Variants in TRPC6 observed in about 807,000 individuals in gnomAD.
The protein encoded by TRPC6 is short transient receptor potential channel 6.
TRPC6 carries 55 observed loss-of-function variants against 90.7 expected under a neutral mutation model. The ratio of observed to expected loss-of-function variants is 0.61; its 90% CI spans 0.49 to 0.76. The LOEUF is 0.76. TRPC6 is among the 30% of genes least tolerant of loss of function. TRPC6 has a pLI of 0.00. For missense variants in TRPC6, 989 were observed against 1,122.7 expected (o/e 0.88, Z 1.70); for synonymous variants, 393 against 393.0 (o/e 1.00, Z 0.00).
At chr11:101,463,680 C>T (rs1034348916) in intron 10 of TRPC6, among the ~76,000 whole-genome samples, 1 of 152,092 alleles carries the variant, frequency 6.6e-6, no homozygotes, top group Non-Finnish European at 1.5e-5. Flanking sequence ...TTTATTGCAT[C>T]TATTTGATTC....
At chr11:101,507,544 A>T (rs898326346) in intron 1 of TRPC6, among the ~76,000 whole-genome samples, 17 of 152,060 alleles carry the variant, frequency 1.1e-4, no homozygotes, top group African/African-American at 4.1e-4. Context: ...CTGTCTAATA[A>T]AGCATGCATA....
intron 2 of TRPC6, among the ~76,000 whole-genome samples, chr11:101,492,081 C>T (rs1183157034): frequency 2.0e-5 from 3 of 151,914 alleles, no homozygotes; most frequent in South Asian, 2.1e-4. Context: ...CCTCATGATC[C>T]GCCCGCCTCG....
In TRPC6 at chr11:101,507,006, AACACACACACAC is replaced by A. The variant is rs10590147; in HGVS notation, c.171-2220_171-2209del. Among the ~76,000 whole-genome samples, 53 of 131,166 alleles carry A rather than the reference AACACACACACAC, an allele frequency of 4.0e-4. No individual in the cohort carries two copies. The Middle Eastern group carries it at 0.012, about 29-fold the overall frequency. 86.0% of individuals were successfully genotyped at this position (131,166 alleles called of 152,430 possible). A position where few individuals can be genotyped will look rare whatever the true frequency, so the allele number is the denominator to read the frequency against. The stretch of plus-strand genomic sequence containing the variant: ...CCTTCACGTATCTCTCTCTCTCTCT[AACACACACACAC>A]ACACACACACACACACACACACACA... On this transcript the variant is annotated intron_variant, in intron 1 of 12. Transcript: ENST00000344327.
intron 2 of TRPC6, among the ~76,000 whole-genome samples, chr11:101,496,313 T>C (rs768325562): frequency 2.6e-5 from 4 of 152,148 alleles, no homozygotes; most frequent in Non-Finnish European, 4.4e-5. Flanking sequence ...CAGTGTTGCA[T>C]TGGCCAACCA....
At position 101,506,222 on chromosome 11, in the gene TRPC6, AG is replaced by A. The variant is rs1399857347; in HGVS notation, c.171-1425del. On this transcript the variant is annotated intron_variant, in intron 1 of 12. Transcript: ENST00000344327. ...GTTTTTGCAGAACTGGAACAGGGCC[AG>A]GTTATAGGGGAGGCTAAAGAGGCAT... 2.0e-5 allele frequency among the ~76,000 whole-genome samples: 3 copies of A among 147,716 alleles called. No homozygotes were observed. In the East Asian group the frequency reaches 5.8e-4, roughly 29 times the overall value.
intron 7 of TRPC6, 120 bp from the exon 8 acceptor site, chr11:101,472,452 C>T (rs942815197): frequency 6.4e-6 from 6 of 944,112 alleles, no homozygotes; most frequent in Admixed American, 5.5e-5. Context: ...AAAAATTCTT[C>T]ACTTCTCTGA....
intron 1 of TRPC6, among the ~76,000 whole-genome samples, chr11:101,539,973 A>C (rs1180649725): frequency 6.6e-6 from 1 of 152,206 alleles, no homozygotes; most frequent in Admixed American, 6.5e-5. Flanking sequence ...ATTTGTTTTT[A>C]TTATGTAATT....
intron 12 of TRPC6, 70 bp from the exon 13 acceptor site, chr11:101,453,176 A>G (rs545440381): frequency 1.4e-6 from 2 of 1,441,134 alleles, no homozygotes; most frequent in Admixed American, 3.4e-5. Flanking sequence ...ACTGTGGGAC[A>G]GGAGGAAATC....
chr11:101,482,576 C>G (rs947803705), intron 5 of TRPC6, among the ~76,000 whole-genome samples: 12 of 152,178 alleles, frequency 7.9e-5, no homozygotes, highest in African/African-American at 2.4e-4. Context: ...ATGCAAGTGG[C>G]TGTTAGCTTC....
At chr11:101,567,794 A>G (rs1467501806) in intron 1 of TRPC6, among the ~76,000 whole-genome samples, 2 of 152,214 alleles carry the variant, frequency 1.3e-5, no homozygotes, top group Non-Finnish European at 2.9e-5. Flanking sequence ...TTAGAAGTAA[A>G]ACTAACAAAC....
In TRPC6 at chr11:101,452,262, G is replaced by A. The variant is rs1227051249; in HGVS notation, c.*693C>T. 1 of 151,736 alleles carries A rather than the reference G, an allele frequency of 6.6e-6. No homozygotes were observed. Among genetic ancestry groups the A allele is most frequent in the African/African-American group, 2.4e-5 (1 of 41,094 alleles). The allele number at this position is 151,736 out of a possible 1,614,324, so 9.4% of individuals were successfully genotyped here. On this transcript the variant is annotated 3_prime_UTR_variant, in exon 13 of 13. Coordinates refer to ENST00000344327, the MANE Select transcript of TRPC6 (RefSeq NM_004621.6). ...CCACAAACTAGGGCAAGTACTTTATGTCTGTGTGTACACATTTACACACAC... is the reference window on the plus strand; with the variant it reads ...CCACAAACTAGGGCAAGTACTTTATATCTGTGTGTACACATTTACACACAC...
intron 10 of TRPC6, among the ~76,000 whole-genome samples, chr11:101,469,025 C>T (rs550765300): frequency 1.3e-5 from 2 of 152,296 alleles, no homozygotes; most frequent in East Asian, 3.9e-4. Context: ...TAAGGTCCCA[C>T]AGTGCCTTTT....
chr11:101,539,287 G>A (rs911904908), intron 1 of TRPC6, among the ~76,000 whole-genome samples: 1 of 152,198 alleles, frequency 6.6e-6, no homozygotes, highest in East Asian at 1.9e-4. Context: ...CTGCTCTCAT[G>A]TTTAGAATTG....
intron 1 of TRPC6, among the ~76,000 whole-genome samples, chr11:101,545,953 G>A (rs774979659): frequency 1.1e-4 from 16 of 148,300 alleles, no homozygotes; most frequent in East Asian, 5.8e-4. Context: ...AACTTGTTCC[G>A]TTCTGTGAAT....
intron 1 of TRPC6, among the ~76,000 whole-genome samples, chr11:101,507,513 G>T (rs150856780): frequency 5.3e-5 from 8 of 152,016 alleles, no homozygotes; most frequent in Non-Finnish European, 5.9e-5. Context: ...CTTTGTTCTA[G>T]TACAGCACAT....
At chr11:101,518,018 A>C (rs1447013000) in intron 1 of TRPC6, among the ~76,000 whole-genome samples, 1 of 152,206 alleles carries the variant, frequency 6.6e-6, no homozygotes, top group Non-Finnish European at 1.5e-5. Flanking sequence ...GCCTAGATTA[A>C]AAAGTTGTTT....
chr11:101,458,579 C>A (rs1858936486), intron 10 of TRPC6, among the ~76,000 whole-genome samples: 1 of 152,144 alleles, frequency 6.6e-6, no homozygotes, highest in Admixed American at 6.6e-5. Flanking sequence ...CTAGCAACCA[C>A]CAAACTCAGT....
At chr11:101,493,024 C>T (rs1340639091) in intron 2 of TRPC6, among the ~76,000 whole-genome samples, 5 of 152,248 alleles carry the variant, frequency 3.3e-5, no homozygotes, top group East Asian at 3.9e-4. Flanking sequence ...TTCAGATTAC[C>T]GTAAACTCAT....
Position 101,509,342 on chromosome 11 carries a change from C to T in TRPC6, c.171-4544G>A, listed in dbSNP as rs141776479. 6.1e-3 allele frequency among the ~76,000 whole-genome samples: 926 copies of T among 151,996 alleles called. 10 individuals carry two copies. Among genetic ancestry groups the T allele is most frequent in the African/African-American group, 0.02 (844 of 41,416 alleles). On this transcript the variant is annotated intron_variant, in intron 1 of 12. Transcript: ENST00000344327. The stretch of plus-strand genomic sequence containing the variant: ...TCAAACTCGTGGGCTCAAGTATCCT[C>T]CCACCTCAGCCTCCCAACATACTGG...
Sources: gnomAD v4.1 joint callset for allele counts (sites outside exome capture counted in the v4.1 genomes callset) on GRCh38, gnomAD v4.1.1 for gene constraint, MANE v1.5 for transcripts, NCBI Gene and HGNC (gene_info 2026-07-23, HGNC 2026-07-21) for gene names.